The following COL20A1 variants were observed in gnomAD, a reference collection of about 807,000 sequenced individuals.
COL20A1 encodes the protein collagen type XX alpha 1 chain.
A neutral mutation model predicts 152.9 loss-of-function variants in COL20A1; 164 were observed. The ratio of observed to expected loss-of-function variants is 1.07; its 90% confidence interval spans 0.94 to 1.22. COL20A1 has a LOEUF of 1.22. Ranked by LOEUF, COL20A1 falls within the 50% of genes most tolerant of loss-of-function variation. The pLI is 0.00. For missense variants in COL20A1, 1,873 were observed against 1,744.8 expected (o/e 1.07, Z -1.31); for synonymous variants, 864 against 756.0 (o/e 1.14, Z -2.34).
At position 63,313,933 on chromosome 20, in the gene COL20A1, C is replaced by T; in HGVS notation, c.2358+42C>T. 6 of 1,580,754 alleles carry T rather than the reference C, an allele frequency of 3.8e-6. No individual in the cohort carries two copies. Among genetic ancestry groups the T allele is most frequent in the Non-Finnish European group, 5.2e-6 (6 of 1,163,348 alleles). ...CCTGAGGCTGCCCCACCTCGTGGGGCCTCCTGGAAGGGGTATGGCCACACT... is the reference window on the plus strand; with the variant it reads ...CCTGAGGCTGCCCCACCTCGTGGGGTCTCCTGGAAGGGGTATGGCCACACT... On this transcript the variant is annotated intron_variant, in intron 18 of 35. Transcript: ENST00000358894. This position sits in a 1 kb window ranked among gnomAD's most constrained non-coding sequence, Gnocchi z 5.9.
intron 14 of COL20A1, 47 bp from the exon 15 acceptor site, chr20:63,312,373 T>C: frequency 6.7e-7 from 1 of 1,487,124 alleles, no homozygotes; most frequent in Non-Finnish European, 8.9e-7. Flanking sequence ...CAGCAAGGGC[T>C]CCAGGCACCA....
rs1290915082 is a variant in COL20A1 at position 63,311,163 on chromosome 20, TC to T, written c.1394-228del. Among the ~76,000 whole-genome samples the T allele has an allele frequency of 2.0e-5, 3 of 152,274 alleles. No individual in the cohort carries two copies. The highest frequency in any genetic ancestry group is 3.4e-3 in the Middle Eastern group (1 of 294). ...TTTCACCCCCCGGAGGCCACATTCC[TC>T]CCATGACCTCAAGGCAGATGGCCTT... On this transcript the variant is annotated intron_variant, in intron 11 of 35. Transcript: ENST00000358894. This position sits in a 1 kb window ranked among gnomAD's most constrained non-coding sequence, Gnocchi z 4.4.
intron 1 of COL20A1, among the ~76,000 whole-genome samples, chr20:63,293,590 G>A (rs1350497585): frequency 1.3e-5 from 2 of 152,144 alleles, no homozygotes; most frequent in Non-Finnish European, 2.9e-5. Context: ...CTGGATGCCT[G>A]TGGCCCTGGC....
intron 3 of COL20A1, among the ~76,000 whole-genome samples, chr20:63,300,312 G>C (rs996197366): frequency 3.2e-4 from 48 of 152,028 alleles, no homozygotes; most frequent in Admixed American, 6.5e-5. Context: ...ATGTTTGCTA[G>C]AATTCACTGG....
At chr20:63,325,778 G>C in intron 29 of COL20A1, 57 bp downstream of exon 29, 1 of 1,498,640 alleles carries the variant, frequency 6.7e-7, no homozygotes, top group Non-Finnish European at 9.2e-7. Flanking sequence ...GCCTGGGGAC[G>C]GGGGGCCTTG....
chr20:63,326,510 G>A (rs1054077798), intron 30 of COL20A1, among the ~76,000 whole-genome samples: 2 of 151,792 alleles, frequency 1.3e-5, no homozygotes, highest in African/African-American at 4.9e-5. Context: ...TGGCACAGCT[G>A]GGGACGTTTA....
At chr20:63,325,089 C>T in intron 27 of COL20A1, 2 of 404,880 alleles carry the variant, frequency 4.9e-6, no homozygotes, top group Non-Finnish European at 9.4e-6. Context: ...TCTCCCAGAC[C>T]CTCCCAGGGT....
intron 25 of COL20A1, 22 bp downstream of exon 25, chr20:63,320,390 TGTTCCACG>T (rs2068146431): frequency 6.2e-7 from 1 of 1,608,528 alleles, no homozygotes; most frequent in Non-Finnish European, 8.5e-7. Flanking sequence ...CCCTTGCCCC[TGTTCCACG>T]AAGCAAGTTA....
intron 3 of COL20A1, among the ~76,000 whole-genome samples, chr20:63,300,479 A>C (rs1380244127): frequency 6.6e-6 from 1 of 152,142 alleles, no homozygotes; most frequent in African/African-American, 2.4e-5. Flanking sequence ...ATTTTATATA[A>C]ATTTCCTGAT....
rs759458499 is a variant in COL20A1 at position 63,312,828 on chromosome 20, A to G, written c.1970A>G (p.Glu657Gly). 1.9e-6 allele frequency: 3 copies of G among 1,562,026 alleles called. No homozygotes were observed. In the South Asian group the frequency reaches 3.5e-5, roughly 18 times the overall value. The stretch of plus-strand genomic sequence containing the variant: ...AGCCCAAGCCAGCTGTCCATGACGG[A>G]GCTGCCAGGGGATGCAGTCCAGCTG... ...APSPSQLSMT[E>G]LPGDAVQLAW... The change falls in exon 16 of 36, where the codon GAG (glutamate) becomes GGG (glycine). Residue 657 changes from glutamate (E) to glycine (G), a missense_variant. Glu to Gly is a moderately conservative substitution (Grantham distance 98). Coordinates refer to ENST00000358894, the MANE Select transcript of COL20A1 (RefSeq NM_020882.4).
chr20:63,302,601 G>A (rs2067874856), intron 3 of COL20A1, among the ~76,000 whole-genome samples: 1 of 152,204 alleles, frequency 6.6e-6, no homozygotes, highest in South Asian at 2.1e-4. Flanking sequence ...GATTCCAGGC[G>A]TGAGTCACCG....
At chr20:63,328,811 T>TTCCCCCCCCCCCCCCCC (rs1280018682) in intron 34 of COL20A1, among the ~76,000 whole-genome samples, 1 of 148,758 alleles carries the variant, frequency 6.7e-6, no homozygotes, top group Non-Finnish European at 1.5e-5. Flanking sequence ...CCATCCTTCC[T>TTCCCCCCCCCCCCCCCC]CCCGCCCTCC....
In COL20A1 at chr20:63,311,797, T is replaced by G; in HGVS notation, c.1663+49T>G. The G allele has an allele frequency of 6.5e-7, 1 of 1,549,958 alleles. No individual in the cohort carries two copies. Among genetic ancestry groups the G allele is most frequent in the Non-Finnish European group, 8.7e-7 (1 of 1,154,028 alleles). On this transcript the variant is annotated intron_variant, in intron 13 of 35. Coordinates refer to ENST00000358894, the MANE Select transcript of COL20A1 (RefSeq NM_020882.4). This position sits in a 1 kb window ranked among gnomAD's most constrained non-coding sequence, Gnocchi z 4.4. Reference sequence around the variant, plus strand: ...CTGCCCACAGGCGGGTGCCCCATCTTGTTCCTCAGCCTTCCATGGCATGGG... The same window carrying G: ...CTGCCCACAGGCGGGTGCCCCATCTGGTTCCTCAGCCTTCCATGGCATGGG...
Position 63,329,755 on chromosome 20 carries a change from C to G in COL20A1, c.*3+94C>G, listed in dbSNP as rs572213222. 2.4e-4 allele frequency: 212 copies of G among 886,524 alleles called. 1 individual carries two copies. The African/African-American group carries it at 3.4e-3, about 14-fold the overall frequency. 54.9% of individuals were successfully genotyped at this position (886,524 alleles called of 1,614,324 possible). The stretch of plus-strand genomic sequence containing the variant: ...GCCAACGGGTGGGGCCTCATGCTGT[C>G]CAGGGTGGGGTGCTGGGAGCACAAG... On this transcript the variant is annotated intron_variant, in intron 35 of 35. Coordinates refer to ENST00000358894, the MANE Select transcript of COL20A1 (RefSeq NM_020882.4).
chr20:63,326,059 C>G, intron 29 of COL20A1, 37 bp from the exon 30 acceptor site: 2 of 1,596,778 alleles, frequency 1.3e-6, no homozygotes, highest in Non-Finnish European at 1.7e-6. Context: ...GGTACAGGTA[C>G]AAACCCCACC....
chr20:63,328,420 C>T lies in COL20A1; in HGVS notation c.3703C>T (p.Leu1235=). The T allele has an allele frequency of 3.1e-6, 5 of 1,612,450 alleles. No homozygotes were observed. The highest frequency in any genetic ancestry group is 4.2e-6 in the Non-Finnish European group (5 of 1,179,648). Residue 1235 remains leucine (L), a synonymous_variant, in exon 34 of 36, where the codon CTG becomes TTG. Coordinates refer to ENST00000358894, the MANE Select transcript of COL20A1 (RefSeq NM_020882.4). ...GAAGCTGGAGCCGGGCACTGAGCCC[C>T]TGGGGTCCCCTGGCACCCGCAGCAA... is the stretch of plus-strand genomic sequence containing the variant. ...EQKLEPGTEP[L]GSPGTRSKAL...
intron 31 of COL20A1, chr20:63,327,248 CT>C (rs1336330329): frequency 5.2e-6 from 1 of 192,808 alleles, no homozygotes; most frequent in African/African-American, 2.4e-5. Context: ...CACTCAGGGA[CT>C]TCCTATTGAC....
chr20:63,328,390 G>A lies in COL20A1; in HGVS notation c.3673G>A (p.Glu1225Lys), dbSNP rs1010044316. 3.7e-6 allele frequency: 6 copies of A among 1,612,540 alleles called. No individual in the cohort carries two copies. In the African/African-American group the frequency reaches 8.0e-5, roughly 22 times the overall value. ...CACCAGGCCCCCCATGCCCATCTTG[G>A]AGCAGAAGCTGGAGCCGGGCACTGA... ...ENTRPPMPIL[E>K]QKLEPGTEPL... The change falls in exon 34 of 36, where the codon GAG becomes AAG. Residue 1225 changes from glutamate to lysine, a missense_variant. Transcript: ENST00000358894.
intron 2 of COL20A1, 99 bp downstream of exon 2, chr20:63,295,288 C>G: frequency 1.3e-6 from 1 of 751,802 alleles, no homozygotes; most frequent in Non-Finnish European, 2.2e-6. Flanking sequence ...CCCCGTCTTC[C>G]TCCTAAGTTG....
Sources: allele counts gnomAD v4.1 joint callset (sites outside exome capture counted in the v4.1 genomes callset), GRCh38; gene constraint gnomAD v4.1.1; non-coding constraint Gnocchi (gnomAD v3.1); transcripts MANE v1.5; gene names NCBI Gene and HGNC (gene_info 2026-07-23, HGNC 2026-07-21).